TBC1D1: variants seen among roughly 807,000 people sequenced by gnomAD.
The protein encoded by TBC1D1 is TBC1 (tre-2/USP6, BUB2, cdc16) domain family, member 1.
A neutral mutation model predicts 125.6 loss-of-function variants in TBC1D1; 89 were observed. The observed-to-expected ratio is 0.71, with a 90% CI of 0.60 to 0.85. The LOEUF is 0.85. TBC1D1 is among the 40% of genes least tolerant of loss of function. TBC1D1 has a pLI of 0.00. For synonymous variants in TBC1D1, 565 were observed against 564.1 expected, an observed-to-expected ratio of 1.00 and a Z score of -0.02; for missense variants, 1,377 against 1,469.2, an observed-to-expected ratio of 0.94 and a Z score of 1.03.
At chr4:38,107,163 G>A (rs1184738836) in intron 15 of TBC1D1, among the ~76,000 whole-genome samples, 2 of 152,260 alleles carry the variant, frequency 1.3e-5, no homozygotes, top group South Asian at 4.1e-4. Context: ...GACTCCCCGG[G>A]GTCAGTCTCC....
chr4:37,948,223 C>T (rs186302014), intron 2 of TBC1D1, among the ~76,000 whole-genome samples: 6 of 152,260 alleles, frequency 3.9e-5, no homozygotes, highest in African/African-American at 1.4e-4. Flanking sequence ...GACTGGAGGG[C>T]AGTGGGTGTG....
Position 38,053,236 on chromosome 4 carries a change from A to C in TBC1D1, c.1911-963A>C. 1.3e-6 allele frequency: 2 copies of C among 1,493,490 alleles called. No homozygotes were observed. The highest frequency in any genetic ancestry group is 8.9e-7 in the Non-Finnish European group (1 of 1,123,580). The allele number at this position is 1,493,490 out of a possible 1,614,324, so 92.5% of individuals were successfully genotyped here. A position where few individuals can be genotyped will look rare whatever the true frequency, so the allele number is the denominator to read the frequency against. Reference sequence around the variant, plus strand: ...TATGAACACAAAAAGGTAGGGCTTAATTTAGATATATCAAGCCTGGGTGTT... The same window carrying C: ...TATGAACACAAAAAGGTAGGGCTTACTTTAGATATATCAAGCCTGGGTGTT... On this transcript the variant is annotated intron_variant, in intron 11 of 19. Coordinates refer to ENST00000261439, the MANE Select transcript of TBC1D1 (RefSeq NM_015173.4).
intron 2 of TBC1D1, among the ~76,000 whole-genome samples, chr4:37,985,433 C>T (rs1735250426): frequency 6.6e-6 from 1 of 152,076 alleles, no homozygotes; most frequent in African/African-American, 2.4e-5. Context: ...TGGTTATTTT[C>T]CTGTAAATCA....
chr4:38,114,917 A>G lies in TBC1D1; in HGVS notation c.2558-793A>G, dbSNP rs117072687. ...GTGGTATGAAGCATTTGCAGGCATA[A>G]TATGTGTAGTCTGGGAAAAGCAGAT... is the stretch of plus-strand genomic sequence containing the variant. On this transcript the variant is annotated intron_variant, in intron 15 of 19. Coordinates refer to ENST00000261439, the MANE Select transcript of TBC1D1 (RefSeq NM_015173.4). Among the ~76,000 whole-genome samples the G allele has an allele frequency of 5.5e-4, 84 of 152,176 alleles. 3 individuals are homozygous for G. In the East Asian group the frequency reaches 0.015, roughly 27 times the overall value.
chr4:38,040,146 G>C (rs1425508858), intron 8 of TBC1D1, among the ~76,000 whole-genome samples: 3 of 152,152 alleles, frequency 2.0e-5, no homozygotes, highest in African/African-American at 7.2e-5. Context: ...TAGTAGGGGA[G>C]AGCAGAAGAA....
intron 19 of TBC1D1, among the ~76,000 whole-genome samples, chr4:38,134,313 C>T (rs954941105): frequency 3.3e-5 from 5 of 152,184 alleles, no homozygotes; most frequent in Admixed American, 2.0e-4. Flanking sequence ...TCCCAGCATA[C>T]CCTATCAGAT....
chr4:38,131,764 C>A (rs1371832309), intron 18 of TBC1D1, among the ~76,000 whole-genome samples: 1 of 152,206 alleles, frequency 6.6e-6, no homozygotes, highest in African/African-American at 2.4e-5. Flanking sequence ...ACCTCACGGT[C>A]GCTCTGAAGG....
chr4:37,935,117 A>G (rs186451394), intron 2 of TBC1D1, among the ~76,000 whole-genome samples: 6 of 152,340 alleles, frequency 3.9e-5, no homozygotes, highest in East Asian at 3.9e-4. Context: ...CCTGACATTA[A>G]CAGGGTGGCA....
At chr4:37,908,593 T>G (rs1289711748) in intron 2 of TBC1D1, among the ~76,000 whole-genome samples, 1 of 152,148 alleles carries the variant, frequency 6.6e-6, no homozygotes, top group East Asian at 1.9e-4. Context: ...CTAATAAGAT[T>G]GTGATCCTCT....
intron 11 of TBC1D1, among the ~76,000 whole-genome samples, chr4:38,052,724 GCGCGCACACACA>G (rs776856005): frequency 5.0e-4 from 30 of 60,004 alleles, no homozygotes; most frequent in African/African-American, 1.5e-3. Flanking sequence ...GCGCGCGCGC[GCGCGCACACACA>G]CACACACACA....
intron 12 of TBC1D1, among the ~76,000 whole-genome samples, chr4:38,066,231 C>T (rs1475392821): frequency 2.0e-5 from 3 of 149,498 alleles, no homozygotes; most frequent in African/African-American, 7.4e-5. Flanking sequence ...TTAACTCTTG[C>T]TAATAAAGCA....
chr4:37,900,100 G>A (rs925860810), intron 1 of TBC1D1, among the ~76,000 whole-genome samples: 6 of 147,620 alleles, frequency 4.1e-5, no homozygotes, highest in Non-Finnish European at 5.9e-5. Context: ...CAGCCTGGGC[G>A]ACAGAGCGAG....
At position 38,102,982 on chromosome 4, in the gene TBC1D1, T is replaced by C. The variant is rs1199137508; in HGVS notation, c.2399-17T>C. ...TCTGTGCATAAATTATTTCCATGTCTTCTCTCCCTTTTAAAGGTGTGCCAC... is the reference window on the plus strand; with the variant it reads ...TCTGTGCATAAATTATTTCCATGTCCTCTCTCCCTTTTAAAGGTGTGCCAC... On this transcript the variant is annotated splice_polypyrimidine_tract_variant and intron_variant, in intron 14 of 19. Coordinates refer to ENST00000261439, the MANE Select transcript of TBC1D1 (RefSeq NM_015173.4). 6.2e-7 allele frequency: 1 copy of C among 1,608,914 alleles called. No homozygotes were observed. The highest frequency in any genetic ancestry group is 8.5e-7 in the Non-Finnish European group (1 of 1,177,966).
intron 2 of TBC1D1, among the ~76,000 whole-genome samples, chr4:37,924,615 G>A (rs1721690390): frequency 6.6e-6 from 1 of 152,002 alleles, no homozygotes; most frequent in African/African-American, 2.4e-5. Flanking sequence ...TTATATATGG[G>A]GAATCCCATA....
intron 3 of TBC1D1, among the ~76,000 whole-genome samples, chr4:38,017,013 A>G (rs1397573551): frequency 2.0e-5 from 3 of 152,050 alleles, no homozygotes; most frequent in Non-Finnish European, 4.4e-5. Flanking sequence ...AGGGACAGAC[A>G]TGCAGAAAGT....
chr4:37,924,540 C>T (rs1294476798), intron 2 of TBC1D1, among the ~76,000 whole-genome samples: 1 of 152,148 alleles, frequency 6.6e-6, no homozygotes, highest in Non-Finnish European at 1.5e-5. Context: ...CTCACTGCTC[C>T]CTGCCTCCAG....
chr4:37,910,902 T>C (rs1718459523), intron 2 of TBC1D1, among the ~76,000 whole-genome samples: 1 of 152,126 alleles, frequency 6.6e-6, no homozygotes, highest in Non-Finnish European at 1.5e-5. Context: ...CTATCTCATG[T>C]ACCACACAAA....
intron 14 of TBC1D1, 96 bp from the exon 17 acceptor site, chr4:38,102,903 G>T: frequency 6.7e-5 from 83 of 1,237,138 alleles, no homozygotes; most frequent in Non-Finnish European, 8.3e-5. Flanking sequence ...AAAGGAACAA[G>T]AATTTGGATA....
intron 15 of TBC1D1, among the ~76,000 whole-genome samples, chr4:38,104,016 C>T (rs1354692810): frequency 6.6e-6 from 1 of 151,776 alleles, no homozygotes; most frequent in African/African-American, 2.4e-5. Flanking sequence ...AAAAATTAGC[C>T]AGGCATGGTG....
Sources: allele counts gnomAD v4.1 joint callset (sites outside exome capture counted in the v4.1 genomes callset), GRCh38; gene constraint gnomAD v4.1.1; transcripts MANE v1.5; gene names NCBI Gene and HGNC (gene_info 2026-07-23, HGNC 2026-07-21).